The following CEP128 variants were observed in gnomAD, a reference collection of about 807,000 sequenced individuals.
CEP128 encodes the protein centrosomal protein 128kDa.
In CEP128, 132 loss-of-function variants were observed where a neutral mutation model predicts 156.7. The observed-to-expected ratio is 0.84, with a 90% CI of 0.73 to 0.97. The LOEUF (loss-of-function observed/expected upper bound fraction) is 0.97. Ranked by LOEUF, CEP128 falls within the 50% of genes least tolerant of loss-of-function variation. The probability of loss-of-function intolerance (pLI) is 0.00; values close to 1 mark genes in which losing one functional copy is unlikely to be tolerated. For synonymous variants in CEP128, 469 were observed against 448.9 expected, an observed-to-expected ratio of 1.04 and a Z score of -0.57; for missense variants, 1,252 against 1,281.9, an observed-to-expected ratio of 0.98 and a Z score of 0.36.
Position 80,781,451 on chromosome 14 carries a change from G to A in CEP128, c.2212-3405C>T, listed in dbSNP as rs1202306695. On this transcript the variant is annotated intron_variant, in intron 15 of 24. Coordinates refer to ENST00000555265, the MANE Select transcript of CEP128 (RefSeq NM_152446.5). ...CAGCCTGGTGACAGAGCGAGACTCC[G>A]TCTCAAAAAAAAAAAAAAAAAAAAG... is the stretch of plus-strand genomic sequence containing the variant. Among the ~76,000 whole-genome samples, 33 of 92,788 alleles carry A rather than the reference G, an allele frequency of 3.6e-4. No individual in the cohort carries two copies. The East Asian group carries it at 6.8e-3, about 19-fold the overall frequency. 60.9% of individuals were successfully genotyped at this position (92,788 alleles called of 152,430 possible).
intron 19 of CEP128, among the ~76,000 whole-genome samples, chr14:80,625,340 G>T (rs1316692021): frequency 1.3e-5 from 2 of 152,014 alleles, no homozygotes; most frequent in African/African-American, 4.8e-5. Flanking sequence ...ACATTATTTT[G>T]GTTAATGTAG....
At chr14:80,582,385 T>C (rs1317177563) in intron 19 of CEP128, among the ~76,000 whole-genome samples, 2 of 152,138 alleles carry the variant, frequency 1.3e-5, no homozygotes. Flanking sequence ...AGATAACTAA[T>C]AGATGCACTG....
At chr14:80,861,733 A>G (rs1887521799) in intron 9 of CEP128, among the ~76,000 whole-genome samples, 1 of 152,172 alleles carries the variant, frequency 6.6e-6, no homozygotes, top group African/African-American at 2.4e-5. Flanking sequence ...CTGTAGTAGC[A>G]AAATTTGAAT....
chr14:80,876,943 G>A (rs1888312752), intron 8 of CEP128, among the ~76,000 whole-genome samples: 1 of 152,098 alleles, frequency 6.6e-6, no homozygotes. Flanking sequence ...AAATCTAAGG[G>A]TAAACCTAAA....
intron 2 of CEP128, among the ~76,000 whole-genome samples, chr14:80,918,755 A>T (rs1027560668): frequency 7.2e-5 from 11 of 152,326 alleles, no homozygotes; most frequent in Non-Finnish European, 8.8e-5. Context: ...TCATGTCAGC[A>T]TAAAAATATC....
intron 19 of CEP128, among the ~76,000 whole-genome samples, chr14:80,722,812 ACTCTTT>A (rs1459483768): frequency 2.2e-5 from 3 of 139,490 alleles, no homozygotes; most frequent in Non-Finnish European, 4.6e-5. Flanking sequence ...AGCAGAGGTT[ACTCTTT>A]ATCTTTTTTT....
intron 21 of CEP128, among the ~76,000 whole-genome samples, chr14:80,537,839 C>A (rs542315165): frequency 5.9e-5 from 9 of 152,210 alleles, no homozygotes; most frequent in African/African-American, 2.2e-4. Context: ...GAATGATGAA[C>A]AGAGGCGGAA....
At chr14:80,534,543 G>A (rs935697884) in intron 21 of CEP128, among the ~76,000 whole-genome samples, 3 of 152,132 alleles carry the variant, frequency 2.0e-5, no homozygotes, top group Non-Finnish European at 4.4e-5. Context: ...TAAGGGAGCA[G>A]GGCCGGACGT....
At chr14:80,624,126 C>T (rs1204386183) in intron 19 of CEP128, among the ~76,000 whole-genome samples, 1 of 152,160 alleles carries the variant, frequency 6.6e-6, no homozygotes, top group Non-Finnish European at 1.5e-5. Context: ...TACACTCCTA[C>T]AAACTCAAGT....
At chr14:80,778,276 A>G (rs949328518) in intron 15 of CEP128, among the ~76,000 whole-genome samples, 2 of 152,234 alleles carry the variant, frequency 1.3e-5, no homozygotes, top group African/African-American at 4.8e-5. Context: ...TAGATGCTAA[A>G]GATAACAGAT....
At chr14:80,846,174 C>T (rs986330887) in intron 9 of CEP128, among the ~76,000 whole-genome samples, 1 of 152,134 alleles carries the variant, frequency 6.6e-6, no homozygotes, top group African/African-American at 2.4e-5. Flanking sequence ...AGTGATTAAA[C>T]ATAATTTGAG....
At chr14:80,677,162 G>T (rs75961642) in intron 19 of CEP128, among the ~76,000 whole-genome samples, 11,277 of 152,126 alleles carry the variant, frequency 0.074, 583 homozygotes, top group South Asian at 0.23. Context: ...GTACATGCAC[G>T]TTTCCATCTG....
chr14:80,656,289 ATT>A (rs199800277), intron 19 of CEP128, among the ~76,000 whole-genome samples: 4,436 of 14,056 alleles, frequency 0.32, 522 homozygotes, highest in African/African-American at 0.37. Context: ...TTATATATAT[ATT>A]TATATATATA....
chr14:80,844,395 A>G (rs1002678430), intron 9 of CEP128, among the ~76,000 whole-genome samples: 1 of 152,100 alleles, frequency 6.6e-6, no homozygotes, highest in Non-Finnish European at 1.5e-5. Flanking sequence ...TTGGTAGGTG[A>G]AAAGTAGAAA....
chr14:80,894,636 C>A, intron 8 of CEP128: 1 of 472,372 alleles, frequency 2.1e-6, no homozygotes. Flanking sequence ...CAGCAGAAGA[C>A]AGGCATTGTA....
intron 13 of CEP128, among the ~76,000 whole-genome samples, chr14:80,798,630 T>A (rs1004259832): frequency 6.6e-6 from 1 of 152,340 alleles, no homozygotes; most frequent in East Asian, 1.9e-4. Context: ...CTCCTTATTA[T>A]TATTTAAGTA....
chr14:80,651,255 T>C (rs1894890927), intron 19 of CEP128, among the ~76,000 whole-genome samples: 1 of 152,194 alleles, frequency 6.6e-6, no homozygotes, highest in Non-Finnish European at 1.5e-5. Flanking sequence ...GTGGGATCAG[T>C]GGTGATATCC....
chr14:80,900,570 C>T (rs1200892456), intron 6 of CEP128, among the ~76,000 whole-genome samples: 3 of 152,130 alleles, frequency 2.0e-5, no homozygotes, highest in Non-Finnish European at 2.9e-5. Flanking sequence ...ACACTTGGAA[C>T]CATGTACAAG....
rs999482838 is a variant in CEP128 at position 80,853,307 on chromosome 14, T to TA, written c.762+9449dup. Among the ~76,000 whole-genome samples, 150 of 145,488 alleles carry TA rather than the reference T, an allele frequency of 1.0e-3. 1 individual carries two copies. Among genetic ancestry groups the TA allele is most frequent in the Middle Eastern group, 3.5e-3 (1 of 282 alleles). On this transcript the variant is annotated intron_variant, in intron 9 of 24. Transcript: ENST00000555265. ...TCAGGTTCTAACCAGTGCAATAAGA[T>TA]AAAAAAAAAAGAAAAGAATTATAAA...
Sources: allele counts gnomAD v4.1 joint callset (sites outside exome capture counted in the v4.1 genomes callset), GRCh38; gene constraint gnomAD v4.1.1; transcripts MANE v1.5; gene names NCBI Gene and HGNC (gene_info 2026-07-23, HGNC 2026-07-21).